TRIO: variants seen among roughly 807,000 people sequenced by gnomAD.
TRIO encodes triple functional domain protein.
In TRIO, 58 loss-of-function variants were observed where a neutral mutation model predicts 351.9. That is an observed-to-expected ratio of 0.16 (90% confidence interval 0.13 to 0.21). The LOEUF is 0.21. TRIO is among the 10% of genes least tolerant of loss of function. The probability of loss-of-function intolerance (pLI) is 1.00; values close to 1 mark genes in which losing one functional copy is unlikely to be tolerated. For missense variants in TRIO, 3,201 were observed against 4,027.8 expected, an observed-to-expected ratio of 0.79 and a Z score of 5.56; for synonymous variants, 1,758 against 1,595.7, an observed-to-expected ratio of 1.10 and a Z score of -2.42.
intron 8 of TRIO, among the ~76,000 whole-genome samples, chr5:14,305,944 T>G (rs1368193571): frequency 1.3e-5 from 2 of 152,266 alleles, no homozygotes; most frequent in Non-Finnish European, 2.9e-5. Flanking sequence ...TTCAGTATAG[T>G]AACATGCTGT....
At position 14,471,410 on chromosome 5, in the gene TRIO, C is replaced by T. The variant is rs1754675581; in HGVS notation, c.5856C>T (p.Ser1952=). Residue 1952 remains serine, a synonymous_variant, in exon 38 of 57, where the codon TCC becomes TCT. Transcript: ENST00000344204. ...CTTCGGATAATTCCCTTCTCTCTTC[C>T]TCCTCGCCCATTGATGAGATGGAAG... ...FNPSDNSLLS[S]SSPIDEMEER... 1.9e-6 allele frequency: 3 copies of T among 1,614,068 alleles called. No homozygotes were observed. Among genetic ancestry groups the T allele is most frequent in the Middle Eastern group, 1.6e-4 (1 of 6,084 alleles).
intron 1 of TRIO, among the ~76,000 whole-genome samples, chr5:14,148,015 A>G (rs1264042308): frequency 6.6e-6 from 1 of 152,238 alleles, no homozygotes; most frequent in Admixed American, 6.5e-5. Context: ...GTGACTTTCG[A>G]GGAATCAAAG....
intron 34 of TRIO, among the ~76,000 whole-genome samples, chr5:14,445,168 G>A (rs1198511780): frequency 9.2e-5 from 14 of 152,164 alleles, no homozygotes; most frequent in Non-Finnish European, 1.5e-4. Flanking sequence ...AGTCGGCCTG[G>A]GAGCTGGGTA....
intron 8 of TRIO, among the ~76,000 whole-genome samples, chr5:14,315,617 G>A (rs1739316783): frequency 6.6e-6 from 1 of 152,074 alleles, no homozygotes; most frequent in Non-Finnish European, 1.5e-5. Context: ...CATGTGAAGA[G>A]GCCCTACCTA....
chr5:14,392,847 C>G (rs1419248242), intron 27 of TRIO, among the ~76,000 whole-genome samples: 1 of 152,090 alleles, frequency 6.6e-6, no homozygotes, highest in Non-Finnish European at 1.5e-5. Context: ...GAGATCGACA[C>G]CATCCTGGCT....
At chr5:14,337,762 T>C (rs1464717382) in intron 11 of TRIO, among the ~76,000 whole-genome samples, 1 of 152,136 alleles carries the variant, frequency 6.6e-6, no homozygotes, top group Non-Finnish European at 1.5e-5. Context: ...GTTGCTGGAA[T>C]GTTTGGACTG....
At chr5:14,359,627 G>T (rs888375925) in intron 13 of TRIO, 96 bp downstream of exon 13, 1 of 1,419,360 alleles carries the variant, frequency 7.0e-7, no homozygotes, top group Non-Finnish European at 9.6e-7. Flanking sequence ...CTGAGGTCCT[G>T]TGTCCTCACC....
chr5:14,503,278 C>A (rs139887288), intron 54 of TRIO, among the ~76,000 whole-genome samples: 14 of 152,320 alleles, frequency 9.2e-5, no homozygotes, highest in Non-Finnish European at 2.1e-4. Context: ...GTAAGAACTC[C>A]CCCAGAAACT....
chr5:14,219,339 G>C (rs368054171), intron 1 of TRIO, among the ~76,000 whole-genome samples: 7 of 152,050 alleles, frequency 4.6e-5, no homozygotes, highest in Non-Finnish European at 1.0e-4. Context: ...TCCTTGCCCT[G>C]TACTTCTGCC....
At chr5:14,448,166 G>A (rs1181979441) in intron 34 of TRIO, among the ~76,000 whole-genome samples, 1 of 152,176 alleles carries the variant, frequency 6.6e-6, no homozygotes, top group African/African-American at 2.4e-5. Flanking sequence ...TGAGTAATAC[G>A]AATCTTGGGT....
chr5:14,382,368 GC>G (rs1746179702), intron 21 of TRIO, among the ~76,000 whole-genome samples: 1 of 152,174 alleles, frequency 6.6e-6, no homozygotes, highest in Admixed American at 6.5e-5. Flanking sequence ...GCCACTCTCT[GC>G]TCCTGGTCCC....
intron 48 of TRIO, among the ~76,000 whole-genome samples, chr5:14,490,045 G>A (rs1424717338): frequency 1.3e-5 from 2 of 152,176 alleles, no homozygotes; most frequent in African/African-American, 2.4e-5. Context: ...TTGGGAGGCC[G>A]AGACGGGCAG....
At chr5:14,173,366 ATGTCCGG>A (rs1486240977) in intron 1 of TRIO, among the ~76,000 whole-genome samples, 2 of 151,690 alleles carry the variant, frequency 1.3e-5, no homozygotes, top group Non-Finnish European at 2.9e-5. Flanking sequence ...ATGCACCACC[ATGTCCGG>A]CTAAGTTTTT....
rs370654110 is a variant in TRIO at position 14,437,692 on chromosome 5, C to CA, written c.5203+17671_5203+17672insA. Among the ~76,000 whole-genome samples, 10 of 140,644 alleles carry CA rather than the reference C, an allele frequency of 7.1e-5. 1 individual carries two copies. Among genetic ancestry groups the CA allele is most frequent in the African/African-American group, 2.8e-4 (10 of 35,378 alleles). 92.3% of individuals were successfully genotyped at this position (140,644 alleles called of 152,430 possible). ...GGCATATTGGATGAGGACCACCCCC[C>CA]CCGCCCCAAGGACCTCATTTTAACT... On this transcript the variant is annotated intron_variant, in intron 34 of 56. Transcript: ENST00000344204.
In TRIO at chr5:14,497,170, A is replaced by G. The variant is rs13180883; in HGVS notation, c.8019+153A>G. Among the ~76,000 whole-genome samples the G allele has an allele frequency of 0.083, 12,591 of 152,190 alleles. 688 individuals are homozygous for G. The highest frequency in any genetic ancestry group is 0.13 in the Non-Finnish European group (8,659 of 67,984). On this transcript the variant is annotated intron_variant, in intron 50 of 56. Coordinates refer to ENST00000344204, the MANE Select transcript of TRIO (RefSeq NM_007118.4). This position sits in a 1 kb window ranked among gnomAD's most constrained non-coding sequence, Gnocchi z 4.4. ...CCTGCGTGTCCTGTAGGGTCTTGTT[A>G]GGGGCACTATGCTGGCCAGCACAGG... is the stretch of plus-strand genomic sequence containing the variant.
chr5:14,378,175 C>T (rs1029901371), intron 20 of TRIO, 48 bp downstream of exon 20: 1 of 1,373,384 alleles, frequency 7.3e-7, no homozygotes, highest in Non-Finnish European at 1.0e-6. Flanking sequence ...CCCGTGCTCA[C>T]ACCTGTCTCC....
At position 14,329,711 on chromosome 5, in the gene TRIO, AAGTTTTT is replaced by A. The variant is rs371260402; in HGVS notation, c.1732-1057_1732-1051del. On this transcript the variant is annotated intron_variant, in intron 9 of 56. Transcript: ENST00000344204. The stretch of plus-strand genomic sequence containing the variant: ...ATGTTTAAATATTTAAAATCTTTTA[AAGTTTTT>A]AGTTTTTAGCTAAAGACATCACTGA... 3.2e-3 allele frequency among the ~76,000 whole-genome samples: 495 copies of A among 152,316 alleles called. 2 individuals carry two copies. Among genetic ancestry groups the A allele is most frequent in the African/African-American group, 0.011 (473 of 41,566 alleles).
rs537513459 is a variant in TRIO, at chr5:14,343,633, A to G, written c.2046+6906A>G. 2.6e-5 allele frequency among the ~76,000 whole-genome samples: 4 copies of G among 152,312 alleles called. No homozygotes were observed. The East Asian group carries it at 7.7e-4, about 29-fold the overall frequency. On this transcript the variant is annotated intron_variant, in intron 11 of 56. Coordinates refer to ENST00000344204, the MANE Select transcript of TRIO (RefSeq NM_007118.4). ...CTGAGTGGTATTTCATGGTCTGGAT[A>G]TATCACAGTTTATTTAACTATTTGT...
chr5:14,331,313 C>T (rs942334099), intron 10 of TRIO, among the ~76,000 whole-genome samples: 12 of 152,216 alleles, frequency 7.9e-5, no homozygotes, highest in South Asian at 2.1e-4. Flanking sequence ...CAGTGTGTTC[C>T]GAATGTGGGA....
Sources: gnomAD v4.1 joint callset for allele counts (sites outside exome capture counted in the v4.1 genomes callset) on GRCh38, gnomAD v4.1.1 for gene constraint, Gnocchi (gnomAD v3.1) non-coding constraint, MANE v1.5 for transcripts, NCBI Gene and HGNC (gene_info 2026-07-23, HGNC 2026-07-21) for gene names.